The following TECPR2 variants were observed in gnomAD, a reference collection of about 807,000 sequenced individuals.
TECPR2 encodes the protein tectonin beta-propeller repeat-containing protein 2.
A neutral mutation model predicts 138.1 loss-of-function variants in TECPR2; 65 were observed. The ratio of observed to expected loss-of-function variants is 0.47; its 90% CI spans 0.39 to 0.58. TECPR2 has a LOEUF of 0.58. Among genes scored for constraint, TECPR2 ranks in the 20% least tolerant of loss-of-function variants. The pLI is 0.00. For synonymous variants in TECPR2, 746 were observed against 749.8 expected (o/e 0.99, Z 0.08); for missense variants, 1,553 against 1,824.5 (o/e 0.85, Z 2.71).
At chr14:102,456,537 G>A (rs192613963) in intron 16 of TECPR2, among the ~76,000 whole-genome samples, 6 of 151,382 alleles carry the variant, frequency 4.0e-5, no homozygotes, top group Non-Finnish European at 7.4e-5. Flanking sequence ...AACACTGGAG[G>A]GCTCGAGGCC....
intron 4 of TECPR2, among the ~76,000 whole-genome samples, chr14:102,409,329 C>T (rs887448118): frequency 2.0e-5 from 3 of 151,024 alleles, no homozygotes; most frequent in Non-Finnish European, 2.9e-5. Context: ...GAGACAGTCT[C>T]GCTCTTGTCG....
chr14:102,401,648 C>A (rs1209429909), intron 2 of TECPR2, among the ~76,000 whole-genome samples: 3 of 149,812 alleles, frequency 2.0e-5, no homozygotes, highest in Admixed American at 6.7e-5. Flanking sequence ...TTAAAAAATA[C>A]AAAAAAATTA....
chr14:102,434,494 T>C lies in TECPR2; in HGVS notation c.1677T>C (p.Ser559=), dbSNP rs375017422. 4.5e-5 allele frequency: 71 copies of C among 1,562,176 alleles called. No homozygotes were observed. The African/African-American group carries it at 7.9e-4, about 17-fold the overall frequency. ...VLEVSGSMPD[S]LAEEDDIRTE... ...AGGTGTCAGGATCAATGCCTGATTC[T>C]CTGGCTGAGGAAGATGACATTAGAA... Residue 559 remains serine, a synonymous_variant, in exon 9 of 20, where the codon TCT becomes TCC. Coordinates refer to ENST00000359520, the MANE Select transcript of TECPR2 (RefSeq NM_014844.5).
intron 12 of TECPR2, 55 bp from the exon 13 acceptor site, chr14:102,445,751 C>T: frequency 6.3e-7 from 1 of 1,577,220 alleles, no homozygotes; most frequent in South Asian, 1.2e-5. Flanking sequence ...AGTCCAGACA[C>T]ACTGGGCACT....
chr14:102,374,071 C>CAA (rs953998203), intron 1 of TECPR2, among the ~76,000 whole-genome samples: 45 of 56,026 alleles, frequency 8.0e-4, no homozygotes, highest in African/African-American at 2.5e-3. Context: ...GATTCTGTCT[C>CAA]AAAAAAAAAA....
chr14:102,427,095 G>A (rs1256276380), intron 6 of TECPR2, among the ~76,000 whole-genome samples: 1 of 152,120 alleles, frequency 6.6e-6, no homozygotes, highest in Non-Finnish European at 1.5e-5. Context: ...CTGTAAAATG[G>A]GGTGGGGGTG....
intron 4 of TECPR2, among the ~76,000 whole-genome samples, chr14:102,412,919 A>G (rs1888922191): frequency 6.6e-6 from 1 of 151,882 alleles, no homozygotes; most frequent in Non-Finnish European, 1.5e-5. Flanking sequence ...ACATGGCAAA[A>G]CCCCATTTCT....
In TECPR2 at chr14:102,363,082, C is replaced by T. The variant is rs956880304; in HGVS notation, c.-107C>T. The T allele has an allele frequency of 1.2e-5, 6 of 481,148 alleles. No individual in the cohort carries two copies. Among genetic ancestry groups the T allele is most frequent in the East Asian group, 3.6e-5 (1 of 28,106 alleles). 29.8% of individuals were successfully genotyped at this position (481,148 alleles called of 1,614,324 possible). A position where few individuals can be genotyped will look rare whatever the true frequency, so the allele number is the denominator to read the frequency against. On this transcript the variant is annotated 5_prime_UTR_variant, in exon 1 of 20. Transcript: ENST00000359520. ...GTCCATCCCGCCTCCTCCGGCCCGGCGGGGCCGACGAGTCCGGAGGGGCTG... is the reference window on the plus strand; with the variant it reads ...GTCCATCCCGCCTCCTCCGGCCCGGTGGGGCCGACGAGTCCGGAGGGGCTG...
chr14:102,463,103 AT>A (rs1288104793), intron 16 of TECPR2, among the ~76,000 whole-genome samples: 2 of 152,172 alleles, frequency 1.3e-5, no homozygotes, highest in East Asian at 3.9e-4. Flanking sequence ...CAGGATCTCC[AT>A]TGGGGAAACT....
Position 102,362,964 on chromosome 14 carries a change from C to G in TECPR2, c.-225C>G. ...CCACTTGTGGCTCTGCCGCTCTAGC[C>G]CCCGGCGGAGCCAGCTGCTGCTCTT... On this transcript the variant is annotated 5_prime_UTR_variant, in exon 1 of 20. Coordinates refer to ENST00000359520, the MANE Select transcript of TECPR2 (RefSeq NM_014844.5). 1 of 1,417,900 alleles carries G rather than the reference C, an allele frequency of 7.1e-7. No homozygotes were observed. The highest frequency in any genetic ancestry group is 9.8e-7 in the Non-Finnish European group (1 of 1,025,578). The allele number at this position is 1,417,900 out of a possible 1,614,324, so 87.8% of individuals were successfully genotyped here. A position where few individuals can be genotyped will look rare whatever the true frequency, so the allele number is the denominator to read the frequency against.
At position 102,408,552 on chromosome 14, in the gene TECPR2, A is replaced by G. The variant is rs750512288; in HGVS notation, c.413A>G (p.Asn138Ser). 4.0e-5 allele frequency: 65 copies of G among 1,613,628 alleles called. No homozygotes were observed. The highest frequency in any genetic ancestry group is 4.7e-5 in the Non-Finnish European group (56 of 1,179,902). ...ATTACAGCTCTGGCTTGGAGCCCCAATGGAATGAAATTGTTCTCTGGAGAT... is the reference window on the plus strand; with the variant it reads ...ATTACAGCTCTGGCTTGGAGCCCCAGTGGAATGAAATTGTTCTCTGGAGAT... The part of the protein sequence containing the change: ...NSITALAWSP[N>S]GMKLFSGDDK... The change falls in exon 4 of 20, where the codon AAT becomes AGT. Residue 138 changes from asparagine (N) to serine (S), a missense_variant. Asn to Ser is a conservative substitution (Grantham distance 46). Transcript: ENST00000359520.
At chr14:102,440,634 C>G (rs752683829) in intron 11 of TECPR2, 25 bp downstream of exon 11, 1 of 1,602,366 alleles carries the variant, frequency 6.2e-7, no homozygotes, top group Non-Finnish European at 8.5e-7. Flanking sequence ...CGCTTAGAGG[C>G]CTGCCAGCTC....
chr14:102,469,559 T>C (rs1187672730), intron 17 of TECPR2, among the ~76,000 whole-genome samples: 1 of 152,230 alleles, frequency 6.6e-6, no homozygotes, highest in Non-Finnish European at 1.5e-5. Flanking sequence ...GTCTTTTATT[T>C]TACTGTCTTG....
At chr14:102,477,989 C>T (rs1890804826) in intron 17 of TECPR2, among the ~76,000 whole-genome samples, 1 of 150,624 alleles carries the variant, frequency 6.6e-6, no homozygotes, top group African/African-American at 2.4e-5. Context: ...ATCTCCTGGC[C>T]TCGTGATCTG....
intron 1 of TECPR2, among the ~76,000 whole-genome samples, chr14:102,370,477 C>T (rs559917275): frequency 5.3e-5 from 8 of 152,262 alleles, no homozygotes; most frequent in African/African-American, 1.2e-4. Context: ...AAAGCAGATA[C>T]GAAAGTGCCT....
At chr14:102,488,030 G>T (rs1891073261) in intron 17 of TECPR2, among the ~76,000 whole-genome samples, 1 of 151,298 alleles carries the variant, frequency 6.6e-6, no homozygotes, top group Non-Finnish European at 1.5e-5. Context: ...TTTTAGTAGA[G>T]ATGGGGTTTC....
intron 5 of TECPR2, among the ~76,000 whole-genome samples, chr14:102,417,730 C>T (rs1020950338): frequency 6.7e-6 from 1 of 149,924 alleles, no homozygotes; most frequent in African/African-American, 2.5e-5. Context: ...GAGGCTGACA[C>T]GGGAGTCCAG....
intron 17 of TECPR2, among the ~76,000 whole-genome samples, chr14:102,496,557 G>A (rs1891285277): frequency 6.6e-6 from 1 of 152,204 alleles, no homozygotes; most frequent in African/African-American, 2.4e-5. Flanking sequence ...AGAGGAGAGG[G>A]GCCTCAGCTG....
intron 17 of TECPR2, among the ~76,000 whole-genome samples, chr14:102,482,493 G>T (rs1372907696): frequency 1.3e-5 from 2 of 152,182 alleles, no homozygotes; most frequent in Non-Finnish European, 2.9e-5. Flanking sequence ...GCCAGCTCCA[G>T]TCTGGCCTCG....
Sources: gnomAD v4.1 joint callset for allele counts (sites outside exome capture counted in the v4.1 genomes callset) on GRCh38, gnomAD v4.1.1 for gene constraint, MANE v1.5 for transcripts, NCBI Gene and HGNC (gene_info 2026-07-23, HGNC 2026-07-21) for gene names.